RGL3: variants seen among roughly 807,000 people sequenced by gnomAD.
RGL3 encodes the protein ral guanine nucleotide dissociation stimulator-like 3.
A neutral mutation model predicts 90.6 loss-of-function variants in RGL3; 85 were observed. The ratio of observed to expected loss-of-function variants is 0.94; its 90% confidence interval spans 0.79 to 1.12. The LOEUF (loss-of-function observed/expected upper bound fraction) is 1.12, where lower values mean the gene tolerates loss of function less well. RGL3 is among the 50% of genes most tolerant of loss of function. The pLI is 0.00. For missense variants in RGL3, 1,034 were observed against 939.2 expected (o/e 1.10, Z -1.32); for synonymous variants, 408 against 385.5 (o/e 1.06, Z -0.68).
intron 18 of RGL3, among the ~76,000 whole-genome samples, chr19:11,396,417 G>A (rs1010751542): frequency 2.0e-5 from 3 of 149,952 alleles, no homozygotes; most frequent in Non-Finnish European, 4.4e-5. Flanking sequence ...TGATCCACCC[G>A]CTTTGGCCTC....
At chr19:11,410,280 C>A (rs1018176793) in intron 5 of RGL3, among the ~76,000 whole-genome samples, 2 of 151,910 alleles carry the variant, frequency 1.3e-5, no homozygotes, top group African/African-American at 2.4e-5. Context: ...GGATTACAGG[C>A]ATGAGCCATA....
At position 11,416,905 on chromosome 19, in the gene RGL3, C is replaced by T. The variant is rs757961009; in HGVS notation, c.302G>A (p.Arg101Gln). Residue 101 changes from arginine (R) to glutamine (Q), a missense_variant, in exon 3 of 19, where the codon CGG (arginine) becomes CAG (glutamine). Physicochemically the swap from Arg to Gln is conservative, Grantham distance 43. Transcript: ENST00000380456. ...SFMPAFLATY[R>Q]TFVPTACLLG... The stretch of plus-strand genomic sequence containing the variant: ...CAGGCAGGCAGTGGGTACAAAGGTC[C>T]GGTAGGTGGCCAGGAAGGCGGGCAT... 33 of 1,613,922 alleles carry T rather than the reference C, an allele frequency of 2.0e-5. No homozygotes were observed. The highest frequency in any genetic ancestry group is 8.3e-5 in the Admixed American group (5 of 59,978).
At chr19:11,405,492 ATCTTTTTTT>A in intron 7 of RGL3, 66 bp from the exon 8 acceptor site, 4 of 132,452 alleles carry the variant, frequency 3.0e-5, no homozygotes, top group South Asian at 8.4e-5. Context: ...AAACTTCTTC[ATCTTTTTTT>A]TTTTTTTTTT....
At chr19:11,396,168 T>C (rs1299508354) in intron 18 of RGL3, among the ~76,000 whole-genome samples, 2 of 66,938 alleles carry the variant, frequency 3.0e-5, no homozygotes, top group African/African-American at 1.5e-4. Context: ...ATTTTTTTTT[T>C]TTTTTTTTTT....
chr19:11,408,996 G>A (rs1968828663), intron 5 of RGL3: 1 of 152,002 alleles, frequency 6.6e-6, no homozygotes, highest in Non-Finnish European at 1.5e-5. Flanking sequence ...GGCCAACATG[G>A]CGAAACCCTG....
At chr19:11,404,470 T>G (rs1968733456) in intron 9 of RGL3, among the ~76,000 whole-genome samples, 1 of 152,172 alleles carries the variant, frequency 6.6e-6, no homozygotes, top group South Asian at 2.1e-4. Flanking sequence ...GAGGTTGCAG[T>G]GAGCCAAGAT....
intron 13 of RGL3, among the ~76,000 whole-genome samples, chr19:11,400,606 C>CT (rs1968657871): frequency 6.6e-6 from 1 of 151,780 alleles, no homozygotes; most frequent in African/African-American, 2.4e-5. Context: ...AATCCTAGCA[C>CT]TTTGGGAGGC....
Position 11,417,015 on chromosome 19 carries a change from G to C in RGL3, c.192C>G (p.Ser64Arg), listed in dbSNP as rs373102451. The C allele has an allele frequency of 1.5e-5, 24 of 1,612,714 alleles. No individual in the cohort carries two copies. The highest frequency in any genetic ancestry group is 5.0e-5 in the Admixed American group (3 of 59,904). The change falls in exon 3 of 19, where the codon AGC becomes AGG. Residue 64 changes from serine (S) to arginine (R), a missense_variant. Physicochemically the swap from Ser to Arg is moderately radical, Grantham distance 110. Transcript: ENST00000380456. ...IANTFLHYRT[S>R]KVRVLRAARL... Reference sequence around the variant, plus strand: ...GCGCTGCCCTCAGCACCCTCACCTTGCTGGTTCGATAGTGGAGGAAGGTAT... The same window carrying C: ...GCGCTGCCCTCAGCACCCTCACCTTCCTGGTTCGATAGTGGAGGAAGGTAT...
chr19:11,397,723 C>T (rs1442388396), intron 16 of RGL3, 126 bp from the exon 17 acceptor site: 2 of 1,060,458 alleles, frequency 1.9e-6, no homozygotes, highest in Admixed American at 3.0e-5. Context: ...CTCAAGAAAA[C>T]ATTGGCTGGG....
intron 16 of RGL3, among the ~76,000 whole-genome samples, chr19:11,399,133 T>A (rs1017547564): frequency 2.0e-5 from 3 of 151,928 alleles, no homozygotes; most frequent in African/African-American, 7.3e-5. Flanking sequence ...AGAAATAGGG[T>A]CTCACTATGT....
Position 11,394,461 on chromosome 19 carries a change from C to A in RGL3, c.2074G>T (p.Asp692Tyr). ...CCCTCTTTCCGCCGCAGCATGAAGT[C>A]TCTGGGGGCGACTGGACTCATGGCA... ...FYAMSPVAPR[D>Y]FMLRRKEGTR... Residue 692 changes from aspartate to tyrosine, a missense_variant, in exon 19 of 19, where the codon GAC becomes TAC. Asp to Tyr is a radical substitution (Grantham distance 160). Transcript: ENST00000380456. The A allele has an allele frequency of 6.2e-7, 1 of 1,614,026 alleles. No homozygotes were observed. The highest frequency in any genetic ancestry group is 1.1e-5 in the South Asian group (1 of 91,058).
At chr19:11,409,879 T>C (rs1259726841) in intron 5 of RGL3, among the ~76,000 whole-genome samples, 1 of 152,308 alleles carries the variant, frequency 6.6e-6, no homozygotes, top group African/African-American at 2.4e-5. Flanking sequence ...TTTATTGCTG[T>C]GTAAGTTACT....
intron 2 of RGL3, 180 bp downstream of exon 2, chr19:11,418,491 A>T (rs1380278585): frequency 1.8e-6 from 1 of 557,030 alleles, no homozygotes; most frequent in South Asian, 2.2e-5. Context: ...CATTCCCTGG[A>T]TCTCCCCCCA....
intron 9 of RGL3, among the ~76,000 whole-genome samples, chr19:11,402,939 C>G (rs1024515170): frequency 1.2e-4 from 19 of 152,012 alleles, no homozygotes; most frequent in African/African-American, 2.7e-4. Context: ...GAAACCCTGT[C>G]TCTACTAAAA....
chr19:11,398,935 C>G (rs923086127), intron 16 of RGL3, among the ~76,000 whole-genome samples: 4 of 152,148 alleles, frequency 2.6e-5, no homozygotes, highest in African/African-American at 9.6e-5. Context: ...TCCCAGAGTG[C>G]TGGGATTACA....
At chr19:11,397,172 A>T in intron 18 of RGL3, 72 bp downstream of exon 18, 1 of 1,324,274 alleles carries the variant, frequency 7.6e-7, no homozygotes, top group South Asian at 1.2e-5. Context: ...CTTGGGCTCC[A>T]TCCTTGGGCG....
chr19:11,396,046 G>C (rs1200325861), intron 18 of RGL3, among the ~76,000 whole-genome samples: 2 of 130,686 alleles, frequency 1.5e-5, no homozygotes, highest in African/African-American at 2.9e-5. Flanking sequence ...TCCCACCTCA[G>C]CCTCCCCAGT....
At chr19:11,397,951 G>A (rs994067442) in intron 16 of RGL3, among the ~76,000 whole-genome samples, 2 of 152,086 alleles carry the variant, frequency 1.3e-5, no homozygotes, top group Non-Finnish European at 2.9e-5. Flanking sequence ...AGAGGTTGCA[G>A]TGAGCCAAGA....
rs1330432075 is a variant in RGL3, at chr19:11,418,639, G to A, written c.147+32C>T. ...CTCCGCCCTCAACTGGTCGCTTCCG[G>A]CCCCGCGCCACCCACCAAACCCCCT... On this transcript the variant is annotated intron_variant, in intron 2 of 18. Transcript: ENST00000380456. The A allele has an allele frequency of 4.0e-6, 6 of 1,497,464 alleles. No individual in the cohort carries two copies. In the East Asian group the frequency reaches 9.8e-5, roughly 25 times the overall value. The allele number at this position is 1,497,464 out of a possible 1,614,324, so 92.8% of individuals were successfully genotyped here. A position where few individuals can be genotyped will look rare whatever the true frequency, so the allele number is the denominator to read the frequency against.
Sources: gnomAD v4.1 joint callset for allele counts (sites outside exome capture counted in the v4.1 genomes callset) on GRCh38, gnomAD v4.1.1 for gene constraint, MANE v1.5 for transcripts, NCBI Gene and HGNC (gene_info 2026-07-23, HGNC 2026-07-21) for gene names.